NAALADL2: variants seen among roughly 807,000 people sequenced by gnomAD.
NAALADL2 encodes N-acetylated alpha-linked acidic dipeptidase like 2.
In NAALADL2, 76 loss-of-function variants were observed where a neutral mutation model predicts 87.2. The ratio of observed to expected loss-of-function variants is 0.87; its 90% CI spans 0.72 to 1.05. NAALADL2 has a LOEUF of 1.05. Ranked by LOEUF, NAALADL2 falls within the 50% of genes least tolerant of loss-of-function variation. NAALADL2 has a pLI of 0.00. For missense variants in NAALADL2, 1,089 were observed against 945.8 expected (o/e 1.15, Z -1.99); for synonymous variants, 354 against 331.0 (o/e 1.07, Z -0.75).
At chr3:175,009,824 A>C (rs1043560894) in intron 1 of NAALADL2, among the ~76,000 whole-genome samples, 1 of 152,154 alleles carries the variant, frequency 6.6e-6, no homozygotes, top group Non-Finnish European at 1.5e-5. Flanking sequence ...GTTACAACAT[A>C]AGCAGCATTT....
intron 9 of NAALADL2, among the ~76,000 whole-genome samples, chr3:175,473,611 AAAT>A (rs1725222275): frequency 1.3e-5 from 2 of 151,914 alleles, no homozygotes; most frequent in African/African-American, 4.8e-5. Context: ...CATTTTTAAA[AAAT>A]TATATATTTT....
At chr3:175,377,189 G>C (rs2148970459) in intron 5 of NAALADL2, among the ~76,000 whole-genome samples, 1 of 152,044 alleles carries the variant, frequency 6.6e-6, no homozygotes, top group South Asian at 2.1e-4. Flanking sequence ...GTGCACACCT[G>C]TAATCCCAGC....
intron 11 of NAALADL2, among the ~76,000 whole-genome samples, chr3:175,704,181 C>T (rs1011732228): frequency 6.6e-6 from 1 of 152,082 alleles, no homozygotes; most frequent in African/African-American, 2.4e-5. Flanking sequence ...ATGAAAGAAC[C>T]TTAGTACTGT....
chr3:174,803,106 G>A (rs1382391822), intron 3 of NAALADL2, among the ~76,000 whole-genome samples: 1 of 152,094 alleles, frequency 6.6e-6, no homozygotes, highest in Non-Finnish European at 1.5e-5. Context: ...CAGTGTAAAA[G>A]CATTCCTATT....
intron 10 of NAALADL2, among the ~76,000 whole-genome samples, chr3:175,607,897 G>C (rs1416597513): frequency 1.5e-5 from 1 of 65,948 alleles, no homozygotes; most frequent in Non-Finnish European, 3.2e-5. Context: ...AGGTGACATG[G>C]AACACACACA....
At chr3:175,590,841 G>T (rs187502511) in intron 10 of NAALADL2, among the ~76,000 whole-genome samples, 4 of 152,284 alleles carry the variant, frequency 2.6e-5, no homozygotes, top group South Asian at 4.1e-4. Flanking sequence ...AGGGTTTAAT[G>T]ATTTCAAGGA....
intron 1 of NAALADL2, among the ~76,000 whole-genome samples, chr3:174,962,412 C>CATATATATATATAT (rs59026426): frequency 4.5e-5 from 4 of 89,076 alleles, no homozygotes; most frequent in African/African-American, 2.2e-4. Context: ...GTGACTATGA[C>CATATATATATATAT]ATATATATAT....
chr3:174,542,443 C>T (rs1485933424), intron 1 of NAALADL2, among the ~76,000 whole-genome samples: 1 of 152,068 alleles, frequency 6.6e-6, no homozygotes, highest in African/African-American at 2.4e-5. Flanking sequence ...TCTTTATTTC[C>T]TGGGTCAGAA....
intron 10 of NAALADL2, among the ~76,000 whole-genome samples, chr3:175,579,223 C>CT (rs367868281): frequency 1.4e-5 from 2 of 146,902 alleles, no homozygotes; most frequent in South Asian, 2.2e-4. Context: ...ATCTATCTAT[C>CT]ATCTATCATC....
At chr3:175,152,251 C>T (rs541546049) in intron 2 of NAALADL2, among the ~76,000 whole-genome samples, 4 of 151,974 alleles carry the variant, frequency 2.6e-5, no homozygotes, top group Non-Finnish European at 5.9e-5. Context: ...AGCAACATTC[C>T]GTTGTGTTTC....
At chr3:175,280,221 T>C (rs571946639) in intron 4 of NAALADL2, among the ~76,000 whole-genome samples, 5 of 152,160 alleles carry the variant, frequency 3.3e-5, no homozygotes, top group Non-Finnish European at 7.4e-5. Flanking sequence ...TCTTCAATTT[T>C]ATATCGATTT....
intron 1 of NAALADL2, among the ~76,000 whole-genome samples, chr3:174,476,638 A>G (rs1717233931): frequency 6.6e-6 from 1 of 152,120 alleles, no homozygotes; most frequent in Non-Finnish European, 1.5e-5. Flanking sequence ...AAACTTTGAA[A>G]TACTGTATAC....
intron 5 of NAALADL2, among the ~76,000 whole-genome samples, chr3:175,375,892 A>G (rs190525990): frequency 2.0e-5 from 3 of 151,828 alleles, no homozygotes; most frequent in African/African-American, 7.2e-5. Context: ...TACCTCCTCT[A>G]TTGACATTTT....
At chr3:174,568,021 T>A (rs1339812679) in intron 2 of NAALADL2, among the ~76,000 whole-genome samples, 2 of 151,736 alleles carry the variant, frequency 1.3e-5, no homozygotes, top group African/African-American at 4.8e-5. Flanking sequence ...CAGGCATAAA[T>A]CCATAAAACA....
At chr3:175,399,050 AT>A (rs1199461623) in intron 5 of NAALADL2, among the ~76,000 whole-genome samples, 2 of 152,090 alleles carry the variant, frequency 1.3e-5, no homozygotes, top group Non-Finnish European at 2.9e-5. Flanking sequence ...AGTTAAAAAA[AT>A]AAAAAATAAA....
intron 3 of NAALADL2, among the ~76,000 whole-genome samples, chr3:174,770,933 T>C (rs1387128619): frequency 6.6e-6 from 1 of 152,232 alleles, no homozygotes; most frequent in Non-Finnish European, 1.5e-5. Flanking sequence ...ATAGTTTTAC[T>C]ATTCCTTTTG....
intron 12 of NAALADL2, among the ~76,000 whole-genome samples, chr3:175,745,624 C>T (rs1313209264): frequency 6.6e-6 from 1 of 152,134 alleles, no homozygotes; most frequent in Non-Finnish European, 1.5e-5. Context: ...TGTAGTAGTA[C>T]AGAAACCATT....
chr3:175,336,801 GT>G (rs1237044889), intron 5 of NAALADL2, among the ~76,000 whole-genome samples: 2 of 152,080 alleles, frequency 1.3e-5, no homozygotes, highest in African/African-American at 4.8e-5. Flanking sequence ...AAAAGTCTGT[GT>G]TTTTTAAACA....
intron 5 of NAALADL2, among the ~76,000 whole-genome samples, chr3:175,411,277 C>A (rs531793186): frequency 6.6e-6 from 1 of 152,218 alleles, no homozygotes; most frequent in African/African-American, 2.4e-5. Flanking sequence ...AGAGGAACTG[C>A]AGGAAGTAGA....
Sources: gnomAD v4.1 joint callset for allele counts (sites outside exome capture counted in the v4.1 genomes callset) on GRCh38, gnomAD v4.1.1 for gene constraint, MANE v1.5 for transcripts, NCBI Gene and HGNC (gene_info 2026-07-23, HGNC 2026-07-21) for gene names.